Variants in RBFOX1 observed in about 807,000 individuals in gnomAD.
The protein encoded by RBFOX1 is RNA binding protein fox-1 homolog 1.
Under a neutral mutation model 57.7 loss-of-function variants are expected in RBFOX1, and 8 were observed. That is an observed-to-expected ratio of 0.14 (90% CI 0.08 to 0.25). RBFOX1 has a LOEUF of 0.25. Among genes scored for constraint, RBFOX1 ranks in the 10% least tolerant of loss-of-function variants. The pLI, the probability that RBFOX1 is intolerant of heterozygous loss-of-function variation, is 1.00. For missense variants in RBFOX1, 611 were observed against 548.5 expected, an observed-to-expected ratio of 1.11 and a Z score of -1.14; for synonymous variants, 326 against 222.4, an observed-to-expected ratio of 1.47 and a Z score of -4.15.
chr16:7,487,844 G>T (rs971913743), intron 4 of RBFOX1, among the ~76,000 whole-genome samples: 7 of 152,146 alleles, frequency 4.6e-5, no homozygotes, highest in Admixed American at 2.6e-4. Flanking sequence ...TAGAAAAAAA[G>T]CTGCAGCTTA....
At chr16:5,316,963 C>T (rs1253946707) in intron 1 of RBFOX1, among the ~76,000 whole-genome samples, 5 of 152,162 alleles carry the variant, frequency 3.3e-5, no homozygotes, top group Admixed American at 2.6e-4. Flanking sequence ...TACTATGTCT[C>T]TTCTGGAGGA....
At chr16:6,661,980 A>C (rs1233029970) in intron 3 of RBFOX1, among the ~76,000 whole-genome samples, 1 of 152,228 alleles carries the variant, frequency 6.6e-6, no homozygotes, top group East Asian at 1.9e-4. Flanking sequence ...TGCCATGTGC[A>C]ACAAGATAGA....
At chr16:5,270,285 A>G (rs1241298898) in intron 1 of RBFOX1, 3 of 648,024 alleles carry the variant, frequency 4.6e-6, no homozygotes, top group Non-Finnish European at 5.6e-6. Context: ...AGCACCTGCT[A>G]TGTTCAATGT....
intron 5 of RBFOX1, among the ~76,000 whole-genome samples, chr16:7,555,474 A>G (rs1458060135): frequency 1.3e-5 from 2 of 152,150 alleles, no homozygotes; most frequent in Non-Finnish European, 2.9e-5. Context: ...ATATAAGAGG[A>G]CCCTGTGTAC....
chr16:5,278,416 G>A lies in RBFOX1; in HGVS notation c.219+38311G>A, dbSNP rs535072244. On this transcript the variant is annotated intron_variant, in intron 1 of 2. Coordinates refer to the RBFOX1 transcript ENST00000585867. Reference sequence around the variant, plus strand: ...GTGGCGATTGCGTTTGGCATCTTCAGCATGAACTCTTTGCCCATCACTATG... The same window carrying A: ...GTGGCGATTGCGTTTGGCATCTTCAACATGAACTCTTTGCCCATCACTATG... Among the ~76,000 whole-genome samples the A allele has an allele frequency of 7.6e-4, 116 of 152,298 alleles. 1 individual carries two copies. The highest frequency in any genetic ancestry group is 2.5e-3 in the African/African-American group (105 of 41,570).
chr16:5,581,691 C>A (rs576673932), intron 2 of RBFOX1, among the ~76,000 whole-genome samples: 14 of 152,126 alleles, frequency 9.2e-5, no homozygotes, highest in Non-Finnish European at 1.3e-4. Flanking sequence ...GGGAACTCTC[C>A]AAGCCAGGGT....
chr16:6,914,151 A>G (rs983899405), intron 3 of RBFOX1, among the ~76,000 whole-genome samples: 4 of 152,220 alleles, frequency 2.6e-5, no homozygotes, highest in Non-Finnish European at 5.9e-5. Flanking sequence ...TACGAACATA[A>G]TGAGTGCATT....
chr16:6,533,008 A>G (rs2096681093), intron 2 of RBFOX1, among the ~76,000 whole-genome samples: 1 of 152,156 alleles, frequency 6.6e-6, no homozygotes, highest in Non-Finnish European at 1.5e-5. Flanking sequence ...GCTACTTGGG[A>G]ATGAGTCCTA....
At chr16:5,667,782 T>C (rs1294156631) in intron 3 of RBFOX1, among the ~76,000 whole-genome samples, 1 of 152,190 alleles carries the variant, frequency 6.6e-6, no homozygotes. Context: ...GTAGGAAGAA[T>C]AAAACTAAAT....
intron 2 of RBFOX1, among the ~76,000 whole-genome samples, chr16:6,448,074 G>A (rs2094520389): frequency 6.7e-6 from 1 of 150,330 alleles, no homozygotes; most frequent in Non-Finnish European, 1.5e-5. Flanking sequence ...CATTTTCTCT[G>A]AATAATTCAT....
intron 3 of RBFOX1, among the ~76,000 whole-genome samples, chr16:6,914,143 C>A (rs192066660): frequency 6.6e-6 from 1 of 152,164 alleles, no homozygotes; most frequent in Non-Finnish European, 1.5e-5. Flanking sequence ...GAAGGAAATA[C>A]GAACATAATG....
intron 4 of RBFOX1, among the ~76,000 whole-genome samples, chr16:5,921,595 G>A (rs1256497072): frequency 6.6e-6 from 1 of 152,160 alleles, no homozygotes; most frequent in African/African-American, 2.4e-5. Context: ...TGAAGGGGAT[G>A]AGAAATAGGA....
intron 2 of RBFOX1, among the ~76,000 whole-genome samples, chr16:5,477,533 C>T (rs529433090): frequency 1.4e-4 from 21 of 152,252 alleles, no homozygotes; most frequent in East Asian, 5.8e-4. Flanking sequence ...AGTAATTGCA[C>T]GGGCTGTTTC....
At chr16:6,215,469 G>GAGAGGGA (rs2097330115) in intron 1 of RBFOX1, among the ~76,000 whole-genome samples, 2 of 151,256 alleles carry the variant, frequency 1.3e-5, no homozygotes, top group African/African-American at 2.4e-5. Flanking sequence ...AGGGAGAGGG[G>GAGAGGGA]GAGAGGGAGA....
At chr16:7,510,135 G>A in intron 4 of RBFOX1, 13 of 985,794 alleles carry the variant, frequency 1.3e-5, no homozygotes, top group Non-Finnish European at 1.6e-5. Context: ...TGTTGAGGGG[G>A]AGGTCAGCCA....
At chr16:6,689,335 A>G (rs1412449362) in intron 3 of RBFOX1, among the ~76,000 whole-genome samples, 1 of 152,132 alleles carries the variant, frequency 6.6e-6, no homozygotes, top group Non-Finnish European at 1.5e-5. Flanking sequence ...TAAGGAAGGT[A>G]TTTCTCTTAA....
intron 4 of RBFOX1, among the ~76,000 whole-genome samples, chr16:7,293,154 G>C (rs1202879838): frequency 1.3e-5 from 2 of 152,176 alleles, no homozygotes; most frequent in Non-Finnish European, 2.9e-5. Flanking sequence ...GTCAACTGCA[G>C]ATCAAAAATA....
intron 2 of RBFOX1, among the ~76,000 whole-genome samples, chr16:6,508,867 A>C (rs1374716200): frequency 8.1e-6 from 1 of 123,336 alleles, no homozygotes; most frequent in African/African-American, 3.3e-5. Flanking sequence ...TACGAATCAT[A>C]ACAAAAAAAA....
At chr16:5,792,933 T>C (rs75050554) in intron 3 of RBFOX1, among the ~76,000 whole-genome samples, 2 of 152,316 alleles carry the variant, frequency 1.3e-5, no homozygotes, top group Non-Finnish European at 2.9e-5. Flanking sequence ...ATATTCTTTG[T>C]GTTGGGTAGG....
Sources: allele counts gnomAD v4.1 joint callset (sites outside exome capture counted in the v4.1 genomes callset), GRCh38; gene constraint gnomAD v4.1.1; transcripts MANE v1.5; gene names NCBI Gene and HGNC (gene_info 2026-07-23, HGNC 2026-07-21).